DHX57: variants seen among roughly 807,000 people sequenced by gnomAD.
The protein encoded by DHX57 is putative ATP-dependent RNA helicase DHX57.
Under a neutral mutation model 156.2 loss-of-function variants are expected in DHX57, and 105 were observed. The ratio of observed to expected loss-of-function variants is 0.67; its 90% CI spans 0.57 to 0.79. DHX57 has a LOEUF of 0.79. Ranked by LOEUF, DHX57 falls within the 30% of genes least tolerant of loss-of-function variation. The pLI is 0.00. For missense variants in DHX57, 1,847 were observed against 1,661.9 expected (o/e 1.11, Z -1.94); for synonymous variants, 704 against 595.6 (o/e 1.18, Z -2.65).
intron 9 of DHX57, chr2:38,853,044 G>GTTTTCTTTTCTTTTTTC (rs1553333763): frequency 6.5e-6 from 1 of 153,066 alleles, no homozygotes; most frequent in Admixed American, 7.2e-5. Context: ...TCATATTTCA[G>GTTTTCTTTTCTTTTTTC]TTTTCTTTTC....
chr2:38,813,883 CA>C lies in DHX57; in HGVS notation c.3618del (p.Asn1206LysfsTer7), dbSNP rs1393290199. 6.2e-7 allele frequency: 1 copy of C among 1,613,220 alleles called. No homozygotes were observed. The highest frequency in any genetic ancestry group is 1.3e-5 in the African/African-American group (1 of 75,026). On this transcript the variant is annotated frameshift_variant, in exon 21 of 24. Transcript: ENST00000457308. LOFTEE classifies it high-confidence loss of function. ...LDATGEEANS[N>X]AENPKLISAM... ...GCTGATATCAGCTTGGGGTTCTCAG[CA>C]TTTGAGTTTGCCTATGAGAAAAGCA...
In DHX57 at chr2:38,828,245, G is replaced by A. The variant is rs554472579; in HGVS notation, c.2639+95C>T. On this transcript the variant is annotated intron_variant, in intron 14 of 23. Transcript: ENST00000457308. ...AGCTGGCATAAACAAATGTATGCTC[G>A]AAGACTGGTGCTCTTCCAGGGTCTA... The A allele has an allele frequency of 4.4e-4, 376 of 854,320 alleles. 5 individuals are homozygous for A. The South Asian group carries it at 6.8e-3, about 15-fold the overall frequency. The allele number at this position is 854,320 out of a possible 1,614,324, so 52.9% of individuals were successfully genotyped here.
chr2:38,839,234 C>T (rs1297215624), intron 12 of DHX57, among the ~76,000 whole-genome samples: 9 of 151,852 alleles, frequency 5.9e-5, no homozygotes, highest in Admixed American at 5.3e-4. Context: ...CCGGCCACCT[C>T]AGCTCTTTTA....
chr2:38,845,611 A>G (rs1672236516), intron 11 of DHX57, among the ~76,000 whole-genome samples: 1 of 152,186 alleles, frequency 6.6e-6, no homozygotes, highest in African/African-American at 2.4e-5. Flanking sequence ...GACAGCTGAA[A>G]TCACATGAGT....
intron 21 of DHX57, among the ~76,000 whole-genome samples, chr2:38,808,587 G>T (rs537409605): frequency 1.3e-5 from 2 of 152,008 alleles, no homozygotes; most frequent in African/African-American, 2.4e-5. Flanking sequence ...GTGCTGAAAT[G>T]AATATTCTCC....
In DHX57 at chr2:38,826,044, A is replaced by C; in HGVS notation, c.2817T>G (p.Tyr939Ter). 2 of 1,613,028 alleles carry C rather than the reference A, an allele frequency of 1.2e-6. No individual in the cohort carries two copies. Among genetic ancestry groups the C allele is most frequent in the East Asian group, 4.5e-5 (2 of 44,872 alleles). Residue 939 changes from tyrosine to a stop codon, truncating the protein, a stop_gained, in exon 16 of 24, where the codon TAT (tyrosine) becomes TAG (stop). Coordinates refer to ENST00000457308, the MANE Select transcript of DHX57 (RefSeq NM_198963.3). LOFTEE classifies it high-confidence loss of function. ...GACTTTCCATCCCTTTGCTGGCATC[A>C]TATCTATAAAGAAAAAGAAAATATA... is the stretch of plus-strand genomic sequence containing the variant. ...IDSGKMKEKR[Y>*]DASKGMESLE...
rs771341443 is a variant in DHX57 at position 38,802,695 on chromosome 2, C to G, written c.4017+20G>C. 1.8e-5 allele frequency: 29 copies of G among 1,613,334 alleles called. No individual in the cohort carries two copies. Among genetic ancestry groups the G allele is most frequent in the South Asian group, 4.4e-5 (4 of 91,078 alleles). On this transcript the variant is annotated intron_variant, in intron 23 of 23. Transcript: ENST00000457308. ...CCCTCATGGCCTGAGCCTCATAAAA[C>G]AGACCAATTCTGCCTTTACCTGATG...
At chr2:38,815,420 C>A (rs1670486959) in intron 20 of DHX57, 101 bp downstream of exon 20, 2 of 1,490,464 alleles carry the variant, frequency 1.3e-6, no homozygotes, top group Admixed American at 3.7e-5. Context: ...ACCCACTGCT[C>A]AAAGGCTTAA....
rs115904767 is a variant in DHX57 at position 38,853,911 on chromosome 2, T to C, written c.2030+143A>G. 2.3e-3 allele frequency: 1,617 copies of C among 716,548 alleles called. 21 individuals carry two copies. Among genetic ancestry groups the C allele is most frequent in the African/African-American group, 0.022 (1,264 of 56,300 alleles). 44.4% of individuals were successfully genotyped at this position (716,548 alleles called of 1,614,324 possible). A position where few individuals can be genotyped will look rare whatever the true frequency, so the allele number is the denominator to read the frequency against. On this transcript the variant is annotated intron_variant, in intron 9 of 23. Coordinates refer to ENST00000457308, the MANE Select transcript of DHX57 (RefSeq NM_198963.3). ...CAGACCCTGGAGATCAAGAAAGCAG[T>C]TGCTCTTCTCTAACATAGGCCTTCC...
intron 17 of DHX57, among the ~76,000 whole-genome samples, chr2:38,820,521 T>A (rs1670758116): frequency 6.6e-6 from 1 of 152,154 alleles, no homozygotes; most frequent in Admixed American, 6.5e-5. Flanking sequence ...GTAATAGAAG[T>A]CCTGTTCACA....
At chr2:38,810,746 GT>G in intron 21 of DHX57, 2 of 825,632 alleles carry the variant, frequency 2.4e-6, no homozygotes, top group Non-Finnish European at 4.1e-6. Context: ...CCCAGGCCTT[GT>G]TTGATTTTGC....
chr2:38,821,043 G>C (rs1281269720), intron 17 of DHX57, among the ~76,000 whole-genome samples: 1 of 151,938 alleles, frequency 6.6e-6, no homozygotes, highest in African/African-American at 2.4e-5. Context: ...TCTGTTCACA[G>C]TAGACTGAAA....
At chr2:38,799,992 A>G (rs561696186) in intron 23 of DHX57, among the ~76,000 whole-genome samples, 1 of 152,130 alleles carries the variant, frequency 6.6e-6, no homozygotes, top group Non-Finnish European at 1.5e-5. Context: ...GTTCAAGACC[A>G]GGCTGACCAA....
intron 21 of DHX57, among the ~76,000 whole-genome samples, chr2:38,807,670 G>A (rs572474141): frequency 5.0e-5 from 7 of 140,136 alleles, no homozygotes; most frequent in South Asian, 2.3e-4. Context: ...TTTTTGAGAC[G>A]GAGTTTCGCT....
At chr2:38,848,013 G>C (rs1164178925) in intron 10 of DHX57, among the ~76,000 whole-genome samples, 1 of 151,828 alleles carries the variant, frequency 6.6e-6, no homozygotes, top group African/African-American at 2.4e-5. Context: ...AACCCGGGAG[G>C]CAGAGGTTGC....
chr2:38,856,247 C>A, intron 7 of DHX57, 93 bp downstream of exon 7: 1 of 1,502,596 alleles, frequency 6.7e-7, no homozygotes. Context: ...ATAAATCCAG[C>A]TACAGTTTTT....
At chr2:38,800,365 T>A (rs965041398) in intron 23 of DHX57, among the ~76,000 whole-genome samples, 24 of 151,408 alleles carry the variant, frequency 1.6e-4, no homozygotes, top group East Asian at 9.7e-4. Context: ...AAAAAAAAAA[T>A]AAATAAGTGG....
chr2:38,808,153 C>G (rs182431516), intron 21 of DHX57, among the ~76,000 whole-genome samples: 4 of 150,144 alleles, frequency 2.7e-5, no homozygotes, highest in Admixed American at 2.0e-4. Flanking sequence ...CAGGGTTTCA[C>G]CATGTTGGTC....
rs1000701904 is a variant in DHX57 at position 38,848,948 on chromosome 2, A to G, written c.2031-546T>C. Reference sequence around the variant, plus strand: ...GTATAAAGATATAAATTCTTTCCCAAAGAAACCAAATCCAGGCAGTACCAA... The same window carrying G: ...GTATAAAGATATAAATTCTTTCCCAGAGAAACCAAATCCAGGCAGTACCAA... On this transcript the variant is annotated intron_variant, in intron 9 of 23. Coordinates refer to ENST00000457308, the MANE Select transcript of DHX57 (RefSeq NM_198963.3). Among the ~76,000 whole-genome samples, 21 of 152,194 alleles carry G rather than the reference A, an allele frequency of 1.4e-4. No individual in the cohort carries two copies. The East Asian group carries it at 3.5e-3, about 25-fold the overall frequency.
Sources: allele counts gnomAD v4.1 joint callset (sites outside exome capture counted in the v4.1 genomes callset), GRCh38; gene constraint gnomAD v4.1.1; transcripts MANE v1.5; gene names NCBI Gene and HGNC (gene_info 2026-07-23, HGNC 2026-07-21).